Variants in CSMD1 observed in about 807,000 individuals in gnomAD.
CSMD1 encodes the protein CUB and sushi domain-containing protein 1.
Under a neutral mutation model 417.5 loss-of-function variants are expected in CSMD1, and 213 were observed. That is an observed-to-expected ratio of 0.51 (90% CI 0.46 to 0.57). The LOEUF is 0.57. Ranked by LOEUF, CSMD1 falls within the 20% of genes least tolerant of loss-of-function variation. The pLI, the probability that CSMD1 is intolerant of heterozygous loss-of-function variation, is 0.00. For synonymous variants in CSMD1, 2,862 were observed against 1,736.8 expected (o/e 1.65, Z -16.11); for missense variants, 6,923 against 4,529.7 (o/e 1.53, Z -15.17).
intron 1 of CSMD1, among the ~76,000 whole-genome samples, chr8:4,815,610 C>T (rs558670082): frequency 3.4e-5 from 5 of 147,548 alleles, no homozygotes; most frequent in South Asian, 4.3e-4. Context: ...GCAGGAGAAG[C>T]GCTTGAACCC....
chr8:4,493,383 A>C (rs1173250898), intron 2 of CSMD1, among the ~76,000 whole-genome samples: 1 of 152,144 alleles, frequency 6.6e-6, no homozygotes, highest in African/African-American at 2.4e-5. Context: ...AAGGATTACT[A>C]CTGATACAAA....
chr8:4,452,192 G>C (rs904668709), intron 2 of CSMD1, among the ~76,000 whole-genome samples: 3 of 152,108 alleles, frequency 2.0e-5, no homozygotes, highest in South Asian at 2.1e-4. Flanking sequence ...CTTAGTGCAC[G>C]TTTCTGCTTT....
intron 2 of CSMD1, among the ~76,000 whole-genome samples, chr8:4,461,251 C>T (rs76797017): frequency 0.015 from 2,224 of 152,062 alleles, 103 homozygotes; most frequent in African/African-American, 0.051. Context: ...TAAAAGTCAC[C>T]TGCGAAAAGC....
At chr8:4,781,129 G>A (rs754592665) in intron 1 of CSMD1, among the ~76,000 whole-genome samples, 9 of 152,098 alleles carry the variant, frequency 5.9e-5, no homozygotes, top group African/African-American at 1.4e-4. Flanking sequence ...TCGAGTGCAG[G>A]TGTCACCTGC....
At chr8:3,356,153 G>C (rs1808773465) in intron 21 of CSMD1, among the ~76,000 whole-genome samples, 2 of 152,282 alleles carry the variant, frequency 1.3e-5, no homozygotes, top group Admixed American at 1.3e-4. Context: ...ACATCCTTAG[G>C]TGTCACCTGC....
At chr8:4,157,794 G>T (rs142218773) in intron 3 of CSMD1, among the ~76,000 whole-genome samples, 429 of 152,280 alleles carry the variant, frequency 2.8e-3, no homozygotes, top group African/African-American at 9.9e-3. Context: ...GGGTGAACTT[G>T]CCCAGGGCCT....
At chr8:3,299,545 C>G (rs1362161426) in intron 25 of CSMD1, among the ~76,000 whole-genome samples, 1 of 142,266 alleles carries the variant, frequency 7.0e-6, no homozygotes, top group East Asian at 2.0e-4. Flanking sequence ...CTCCAACGCA[C>G]AGTGTCCCAA....
intron 25 of CSMD1, among the ~76,000 whole-genome samples, chr8:3,307,026 T>G (rs1804914296): frequency 8.1e-6 from 1 of 124,132 alleles, no homozygotes. Flanking sequence ...CAAAGTTACT[T>G]TGGTATAATT....
At chr8:3,301,957 G>C (rs563911784) in intron 25 of CSMD1, among the ~76,000 whole-genome samples, 1 of 152,028 alleles carries the variant, frequency 6.6e-6, no homozygotes, top group Non-Finnish European at 1.5e-5. Context: ...TCAGTGTCTC[G>C]TCTAAAGAAA....
At chr8:3,891,820 A>C (rs1400044361) in intron 5 of CSMD1, among the ~76,000 whole-genome samples, 2 of 152,158 alleles carry the variant, frequency 1.3e-5, no homozygotes, top group Admixed American at 6.5e-5. Flanking sequence ...TACAAGCCTA[A>C]TTCTCTCATC....
chr8:4,012,089 A>C (rs2130441389), intron 4 of CSMD1, among the ~76,000 whole-genome samples: 1 of 152,308 alleles, frequency 6.6e-6, no homozygotes, highest in South Asian at 2.1e-4. Flanking sequence ...TATATTGTAG[A>C]CATAGCCACA....
chr8:3,413,241 T>C (rs559367498), intron 12 of CSMD1, among the ~76,000 whole-genome samples: 75 of 151,210 alleles, frequency 5.0e-4, no homozygotes, highest in African/African-American at 1.8e-3. Flanking sequence ...CTCCTTAGAG[T>C]AAAATAAATT....
intron 1 of CSMD1, among the ~76,000 whole-genome samples, chr8:4,645,576 T>G (rs1249869898): frequency 6.6e-6 from 1 of 151,862 alleles, no homozygotes; most frequent in Non-Finnish European, 1.5e-5. Flanking sequence ...AGCCCCAGTT[T>G]CCACAGGTGC....
At chr8:3,977,535 T>C (rs914945605) in intron 5 of CSMD1, among the ~76,000 whole-genome samples, 9 of 152,210 alleles carry the variant, frequency 5.9e-5, no homozygotes, top group African/African-American at 2.2e-4. Flanking sequence ...GATTCTGCTG[T>C]TCAGAGCAGC....
chr8:4,398,385 C>CTT (rs1317009143), intron 3 of CSMD1, among the ~76,000 whole-genome samples: 5,053 of 117,548 alleles, frequency 0.043, 477 homozygotes, highest in East Asian at 0.1. Flanking sequence ...CTTGCTGCAA[C>CTT]TTCTTTTTTT....
chr8:4,953,431 T>A (rs1289246764), intron 1 of CSMD1, among the ~76,000 whole-genome samples: 1 of 152,154 alleles, frequency 6.6e-6, no homozygotes, highest in African/African-American at 2.4e-5. Context: ...ATCATTAAGA[T>A]TAACACTATC....
At chr8:3,339,259 A>G (rs1585022178) in intron 23 of CSMD1, among the ~76,000 whole-genome samples, 1 of 151,854 alleles carries the variant, frequency 6.6e-6, no homozygotes. Flanking sequence ...TGTCGTTTAT[A>G]CCCATCTGTA....
At position 4,478,434 on chromosome 8, in the gene CSMD1, C is replaced by T. The variant is rs142709849; in HGVS notation, c.303-58369G>A. On this transcript the variant is annotated intron_variant, in intron 2 of 69. Coordinates refer to ENST00000635120, the MANE Select transcript of CSMD1 (RefSeq NM_033225.6). ...AAAGTTATATATCTTGTCAGTAAGT[C>T]ACAAATGCCTTTAGATAAAAATTGA... Among the ~76,000 whole-genome samples, 352 of 152,156 alleles carry T rather than the reference C, an allele frequency of 2.3e-3. 3 individuals are homozygous for T. The highest frequency in any genetic ancestry group is 2.3e-3 in the Non-Finnish European group (155 of 67,988).
chr8:3,650,549 G>C (rs1797800864), intron 7 of CSMD1, among the ~76,000 whole-genome samples: 1 of 152,150 alleles, frequency 6.6e-6, no homozygotes, highest in Non-Finnish European at 1.5e-5. Flanking sequence ...CCTTGAATCT[G>C]TTATGTTATT....
Sources: allele counts gnomAD v4.1 joint callset (sites outside exome capture counted in the v4.1 genomes callset), GRCh38; gene constraint gnomAD v4.1.1; transcripts MANE v1.5; gene names NCBI Gene and HGNC (gene_info 2026-07-23, HGNC 2026-07-21).